The following OPN4 variants were observed in gnomAD, a reference collection of about 807,000 sequenced individuals.
OPN4 encodes the protein opsin 4.
A neutral mutation model predicts 49.5 loss-of-function variants in OPN4; 43 were observed. That is an observed-to-expected ratio of 0.87 (90% CI 0.68 to 1.12). The LOEUF is 1.12. OPN4 is among the 50% of genes most tolerant of loss of function. The pLI, the probability that OPN4 is intolerant of heterozygous loss-of-function variation, is 0.00. For synonymous variants in OPN4, 263 were observed against 258.0 expected, an observed-to-expected ratio of 1.02 and a Z score of -0.19; for missense variants, 657 against 643.9, an observed-to-expected ratio of 1.02 and a Z score of -0.22.
At chr10:86,663,139 G>GCCACCGGCTCCTGTTC (rs1844056342) in intron 8 of OPN4, among the ~76,000 whole-genome samples, 1 of 152,114 alleles carries the variant, frequency 6.6e-6, no homozygotes, top group South Asian at 2.1e-4. Context: ...AGCTCCGTGC[G>GCCACCGGCTCCTGTTC]CCACCGGCTC....
intron 2 of OPN4, 92 bp from the exon 3 acceptor site, chr10:86,657,940 T>A (rs1444207974): frequency 7.5e-7 from 1 of 1,335,268 alleles, no homozygotes; most frequent in Non-Finnish European, 1.0e-6. Flanking sequence ...GTGTGGCACG[T>A]GTGTGCACAT....
At chr10:86,660,163 T>A in intron 6 of OPN4, 104 bp downstream of exon 6, 1 of 1,301,342 alleles carries the variant, frequency 7.7e-7, no homozygotes, top group Non-Finnish European at 1.1e-6. Context: ...CCAGCCATCC[T>A]CGCACCCTAG....
chr10:86,664,647 G>A (rs1184041622), intron 9 of OPN4, among the ~76,000 whole-genome samples: 1 of 152,146 alleles, frequency 6.6e-6, no homozygotes, highest in Non-Finnish European at 1.5e-5. Flanking sequence ...GCACATTCCT[G>A]CCTGCCTTTC....
chr10:86,659,182 C>T, intron 4 of OPN4, 115 bp from the exon 5 acceptor site: 1 of 775,792 alleles, frequency 1.3e-6, no homozygotes, highest in Admixed American at 2.5e-5. Context: ...GGGACAGGGC[C>T]AGGTCAGGGC....
Position 86,658,138 on chromosome 10 carries a change from T to C in OPN4, c.397T>C (p.Tyr133His). ...CCCTGTCTTCTTCACCAGTAGCCTC[T>C]ATAAGCAGTGGCTCTTTGGGGAGAC... is the stretch of plus-strand genomic sequence containing the variant. ...QAPVFFTSSLYKQWLFGETGC... is the reference protein window; with the variant it reads ...QAPVFFTSSLHKQWLFGETGC... The change falls in exon 3 of 10, where the codon TAT (tyrosine) becomes CAT (histidine). Residue 133 changes from tyrosine (Y) to histidine (H), a missense_variant. Physicochemically the swap from Tyr to His is moderately conservative, Grantham distance 83. Transcript: ENST00000241891. The C allele has an allele frequency of 1.2e-6, 2 of 1,614,126 alleles. No homozygotes were observed. Among genetic ancestry groups the C allele is most frequent in the Non-Finnish European group, 1.7e-6 (2 of 1,180,028 alleles).
Position 86,657,152 on chromosome 10 carries a change from G to A in OPN4, c.290+852G>A, listed in dbSNP as rs541855222. ...ACCTGCCAGCTGAAGGACTGGGCAC[G>A]TCATTTCTCCTCCTTGAGCTCACTT... On this transcript the variant is annotated intron_variant, in intron 2 of 9. Transcript: ENST00000241891. 82 of 779,272 alleles carry A rather than the reference G, an allele frequency of 1.1e-4. 2 individuals carry two copies. The highest frequency in any genetic ancestry group is 1.0e-3 in the Admixed American group (59 of 58,912). The allele number at this position is 779,272 out of a possible 1,614,324, so 48.3% of individuals were successfully genotyped here.
At position 86,662,466 on chromosome 10, in the gene OPN4, G is replaced by C. The variant is rs376005886; in HGVS notation, c.1254+34G>C. 5.9e-5 allele frequency: 90 copies of C among 1,531,658 alleles called. No individual in the cohort carries two copies. In the African/African-American group the frequency reaches 1.1e-3, roughly 18 times the overall value. The allele number at this position is 1,531,658 out of a possible 1,614,324, so 94.9% of individuals were successfully genotyped here. On this transcript the variant is annotated intron_variant, in intron 8 of 9. Coordinates refer to ENST00000241891, the MANE Select transcript of OPN4 (RefSeq NM_033282.4). ...GCTGGGCCCTCACCAGCTTGCGCCT[G>C]GCCATCCCTTCCTCAGGCAGCCCTG...
chr10:86,659,385 C>T lies in OPN4; in HGVS notation c.717C>T (p.Leu239=), dbSNP rs1006172698. ...CCGTGCGTGCCTACACCATGCTTCT[C>T]TGCTGCTTCGTGTTCTTCCTCCCTC... The part of the protein sequence containing the change: ...TPAVRAYTML[L]CCFVFFLPLL... The change falls in exon 5 of 10, where the codon CTC becomes CTT. Residue 239 remains leucine, a synonymous_variant. Coordinates refer to ENST00000241891, the MANE Select transcript of OPN4 (RefSeq NM_033282.4). The T allele has an allele frequency of 5.0e-6, 8 of 1,613,964 alleles. No homozygotes were observed. The highest frequency in any genetic ancestry group is 2.7e-5 in the African/African-American group (2 of 74,948).
In OPN4 at chr10:86,665,861, C is replaced by T. The variant is rs1844160242; in HGVS notation, c.*110C>T. 2.3e-6 allele frequency: 2 copies of T among 884,838 alleles called. No homozygotes were observed. Among genetic ancestry groups the T allele is most frequent in the Non-Finnish European group, 3.6e-6 (2 of 549,114 alleles). 54.8% of individuals were successfully genotyped at this position (884,838 alleles called of 1,614,324 possible). On this transcript the variant is annotated 3_prime_UTR_variant, in exon 10 of 10. Transcript: ENST00000241891. ...TGAGCCTGCAGGCTTTGGAAGTGGC[C>T]CTGTCACCCGTGCTGCACGGGATTC...
rs773941382 is a variant in OPN4 at position 86,663,692 on chromosome 10, G to A, written c.1288G>A (p.Gly430Arg). The change falls in exon 9 of 10, where the codon GGA becomes AGA. Residue 430 changes from glycine (G) to arginine (R), a missense_variant. By Grantham distance (125) the Gly-to-Arg change is moderately radical. Transcript: ENST00000241891. ...ACACATGGAGGCAGCAGCTGTGTGG[G>A]GAGCTGCCCAGCAAGCAAATGGGCG... ...WTHMEAAAVW[G>R]AAQQANGRSL... 6.4e-7 allele frequency: 1 copy of A among 1,566,626 alleles called. No homozygotes were observed. Among genetic ancestry groups the A allele is most frequent in the Non-Finnish European group, 8.7e-7 (1 of 1,154,506 alleles).
At position 86,663,615 on chromosome 10, in the gene OPN4, G is replaced by A. The variant is rs777616094; in HGVS notation, c.1255-44G>A. The A allele has an allele frequency of 1.6e-5, 24 of 1,461,814 alleles. 1 individual carries two copies. The highest frequency in any genetic ancestry group is 4.9e-5 in the East Asian group (2 of 40,646). 90.6% of individuals were successfully genotyped at this position (1,461,814 alleles called of 1,614,324 possible). On this transcript the variant is annotated intron_variant, in intron 8 of 9. Coordinates refer to ENST00000241891, the MANE Select transcript of OPN4 (RefSeq NM_033282.4). ...GGGGTAAGGGCAGGAGCAAAGCTAC[G>A]GACTGTCCCTCTCACCTCACAGTCA...
chr10:86,665,481 G>A (rs913104664), intron 9 of OPN4, among the ~76,000 whole-genome samples: 2 of 152,090 alleles, frequency 1.3e-5, no homozygotes, highest in African/African-American at 4.8e-5. Context: ...GACCCCGGGA[G>A]TCAAGAGCCC....
At chr10:86,660,208 G>C (rs1843971430) in intron 6 of OPN4, 149 bp downstream of exon 6, 1 of 928,962 alleles carries the variant, frequency 1.1e-6, no homozygotes, top group South Asian at 1.7e-5. Flanking sequence ...CCCTGGGTAA[G>C]GTGCCCAGCC....
chr10:86,655,774 T>C (rs1305658543), intron 1 of OPN4, among the ~76,000 whole-genome samples: 1 of 152,186 alleles, frequency 6.6e-6, no homozygotes, highest in African/African-American at 2.4e-5. Flanking sequence ...TCTTGGGCCC[T>C]TGGGCTGGAG....
At position 86,666,415 on chromosome 10, in the gene OPN4, A is replaced by G; in HGVS notation, c.*664A>G. 1.0e-5 allele frequency: 2 copies of G among 192,566 alleles called. No individual in the cohort carries two copies. The highest frequency in any genetic ancestry group is 2.2e-5 in the Non-Finnish European group (2 of 92,148). 11.9% of individuals were successfully genotyped at this position (192,566 alleles called of 1,614,324 possible). On this transcript the variant is annotated 3_prime_UTR_variant, in exon 10 of 10. Coordinates refer to ENST00000241891, the MANE Select transcript of OPN4 (RefSeq NM_033282.4). The stretch of plus-strand genomic sequence containing the variant: ...CTCCTCCCAGGGCTGTGTGGATCTG[A>G]CAGGGTATAGGAAAATAAAAAGCGG...
intron 2 of OPN4, 124 bp downstream of exon 2, chr10:86,656,424 G>T: frequency 8.1e-7 from 1 of 1,236,888 alleles, no homozygotes; most frequent in East Asian, 2.4e-5. Context: ...TAGGCAAGGA[G>T]GGCAGGGCCA....
Position 86,659,953 on chromosome 10 carries a change from C to T in OPN4, c.859C>T (p.Arg287Trp), listed in dbSNP as rs142548175. 1.4e-5 allele frequency: 23 copies of T among 1,614,054 alleles called. No individual in the cohort carries two copies. In the South Asian group the frequency reaches 1.4e-4, roughly 10 times the overall value. Reference protein sequence around the residue: ...GNGESLWQRQRLQSECKMAKI... With the variant: ...GNGESLWQRQWLQSECKMAKI... ...TGGCGAGTCCCTGTGGCAGCGGCAG[C>T]GGCTGCAGAGCGAGTGCAAGATGGC... Residue 287 changes from arginine to tryptophan, a missense_variant, in exon 6 of 10, where the codon CGG becomes TGG. Transcript: ENST00000241891.
intron 4 of OPN4, 121 bp downstream of exon 4, chr10:86,658,808 C>G: frequency 2.1e-6 from 2 of 957,164 alleles, no homozygotes; most frequent in Non-Finnish European, 3.2e-6. Flanking sequence ...GCTACCTGAG[C>G]CTCAGGTGAG....
intron 6 of OPN4, 126 bp downstream of exon 6, chr10:86,660,185 C>T (rs1432689127): frequency 3.8e-6 from 4 of 1,055,826 alleles, no homozygotes; most frequent in East Asian, 2.6e-5. Context: ...ACCAGCTTCA[C>T]AGCTTATTCT....
Sources: gnomAD v4.1 joint callset for allele counts (sites outside exome capture counted in the v4.1 genomes callset) on GRCh38, gnomAD v4.1.1 for gene constraint, MANE v1.5 for transcripts, NCBI Gene and HGNC (gene_info 2026-07-23, HGNC 2026-07-21) for gene names.